Variants in TNKS observed in about 807,000 individuals in gnomAD.
TNKS encodes poly [ADP-ribose] polymerase tankyrase-1.
In TNKS, 72 loss-of-function variants were observed where a neutral mutation model predicts 135.8. That is an observed-to-expected ratio of 0.53 (90% CI 0.44 to 0.64). TNKS has a LOEUF of 0.64. Ranked by LOEUF, TNKS falls within the 30% of genes least tolerant of loss-of-function variation. The pLI is 0.00. For synonymous variants in TNKS, 849 were observed against 649.3 expected, an observed-to-expected ratio of 1.31 and a Z score of -4.68; for missense variants, 1,769 against 1,674.0, an observed-to-expected ratio of 1.06 and a Z score of -0.99.
At chr8:9,689,855 T>A (rs1468674713) in intron 5 of TNKS, among the ~76,000 whole-genome samples, 1 of 152,222 alleles carries the variant, frequency 6.6e-6, no homozygotes, top group Non-Finnish European at 1.5e-5. Context: ...GATTCCCTCC[T>A]ATGTAATTAT....
intron 3 of TNKS, among the ~76,000 whole-genome samples, chr8:9,678,887 C>G (rs896906183): frequency 6.6e-6 from 1 of 152,038 alleles, no homozygotes; most frequent in Admixed American, 6.5e-5. Context: ...TGTTGAGATA[C>G]TTTGTATAAT....
At position 9,779,350 on chromosome 8, in the gene TNKS, A is replaced by G. The variant is rs1808367815; in HGVS notation, c.*2614A>G. ...CTTTTATTTTTTGTATATGTACTATATAGAAATACTAGCAAGTTAGGATCA... is the reference window on the plus strand; with the variant it reads ...CTTTTATTTTTTGTATATGTACTATGTAGAAATACTAGCAAGTTAGGATCA... On this transcript the variant is annotated 3_prime_UTR_variant, in exon 27 of 27. Transcript: ENST00000310430. 6.6e-6 allele frequency: 1 copy of G among 152,542 alleles called. No individual in the cohort carries two copies. The highest frequency in any genetic ancestry group is 2.4e-5 in the African/African-American group (1 of 41,460). 9.4% of individuals were successfully genotyped at this position (152,542 alleles called of 1,614,324 possible).
chr8:9,611,918 T>C (rs902732274), intron 2 of TNKS, among the ~76,000 whole-genome samples: 17 of 152,258 alleles, frequency 1.1e-4, no homozygotes, highest in African/African-American at 4.1e-4. Context: ...CTTTCTGTTA[T>C]TATTTTTTTC....
chr8:9,593,182 C>G (rs910280940), intron 2 of TNKS, among the ~76,000 whole-genome samples: 3 of 152,070 alleles, frequency 2.0e-5, no homozygotes, highest in African/African-American at 7.2e-5. Context: ...ATAGTTGATA[C>G]GTAATATTGT....
intron 11 of TNKS, among the ~76,000 whole-genome samples, chr8:9,713,720 G>A (rs1181195219): frequency 1.3e-5 from 2 of 152,130 alleles, no homozygotes; most frequent in East Asian, 1.9e-4. Flanking sequence ...ATCAAATGCC[G>A]TAGCAACTCC....
Position 9,751,730 on chromosome 8 carries a change from G to C in TNKS, c.2954G>C (p.Cys985Ser). Residue 985 changes from cysteine to serine, a missense_variant, in exon 19 of 27, where the codon TGC (cysteine) becomes TCC (serine). Physicochemically the swap from Cys to Ser is moderately radical, Grantham distance 112. Around this residue, in one of 5 missense-constraint regions of TNKS, gnomAD observed 722 missense variants for 688.9 expected, o/e 1.05. Coordinates refer to ENST00000310430, the MANE Select transcript of TNKS (RefSeq NM_003747.3). ...ATCTCACCAGCATCCACCCCCTCCT[G>C]CCTCTCGGCTGCCAGCAGCATAGAC... is the stretch of plus-strand genomic sequence containing the variant. The part of the protein sequence containing the change: ...SLISPASTPS[C>S]LSAASSIDNL... 6.2e-7 allele frequency: 1 copy of C among 1,614,150 alleles called. No individual in the cohort carries two copies. Among genetic ancestry groups the C allele is most frequent in the Non-Finnish European group, 8.5e-7 (1 of 1,180,020 alleles).
At position 9,710,045 on chromosome 8, in the gene TNKS, GA is replaced by G; in HGVS notation, c.1670del (p.Asp557ValfsTer3). 1 of 1,613,248 alleles carries G rather than the reference GA, an allele frequency of 6.2e-7. No individual in the cohort carries two copies. The highest frequency in any genetic ancestry group is 8.5e-7 in the Non-Finnish European group (1 of 1,179,214). On this transcript the variant is annotated frameshift_variant and splice_region_variant, in exon 10 of 27. Coordinates refer to ENST00000310430, the MANE Select transcript of TNKS (RefSeq NM_003747.3). LOFTEE classifies it high-confidence loss of function. ...AGCAAATGTTAATGAAAAAAATAAA[GA>G]GTAAGTATAATTGCAGAAGGAGTTG... ...KGANVNEKNK[D>X]FMTPLHVAAE...
intron 18 of TNKS, 142 bp from the exon 19 acceptor site, chr8:9,751,467 G>C: frequency 1.5e-6 from 1 of 647,198 alleles, no homozygotes; most frequent in African/African-American, 1.8e-5. Flanking sequence ...CTGTGGATAG[G>C]AGAAGGAATG....
At chr8:9,749,358 T>G (rs1466353693) in intron 18 of TNKS, among the ~76,000 whole-genome samples, 1 of 152,120 alleles carries the variant, frequency 6.6e-6, no homozygotes, top group Non-Finnish European at 1.5e-5. Flanking sequence ...GCCAGACACA[T>G]GTTATCAGGG....
chr8:9,684,056 C>T (rs1454972789), intron 5 of TNKS, among the ~76,000 whole-genome samples: 1 of 151,584 alleles, frequency 6.6e-6, no homozygotes, highest in Non-Finnish European at 1.5e-5. Context: ...ATAATGATGA[C>T]CACTTTTAGA....
chr8:9,709,537 TC>T (rs1199796184), intron 9 of TNKS, among the ~76,000 whole-genome samples: 1 of 152,198 alleles, frequency 6.6e-6, no homozygotes, highest in African/African-American at 2.4e-5. Context: ...TATAAACGTC[TC>T]CTGTAGTGCT....
intron 1 of TNKS, among the ~76,000 whole-genome samples, chr8:9,576,430 G>C (rs1206797854): frequency 6.6e-6 from 1 of 151,208 alleles, no homozygotes; most frequent in Non-Finnish European, 1.5e-5. Context: ...GGGCAGGAGA[G>C]AGACAGCAGA....
chr8:9,588,001 A>T, intron 2 of TNKS, among the ~76,000 whole-genome samples: 1 of 152,352 alleles, frequency 6.6e-6, no homozygotes, highest in South Asian at 2.1e-4. Flanking sequence ...TGGCAAATAT[A>T]CAAGAATGAT....
chr8:9,754,883 C>T (rs1806753981), intron 20 of TNKS, among the ~76,000 whole-genome samples: 2 of 152,128 alleles, frequency 1.3e-5, no homozygotes, highest in African/African-American at 4.8e-5. Flanking sequence ...TTTCTTAGGA[C>T]AATATCCTAA....
intron 3 of TNKS, among the ~76,000 whole-genome samples, chr8:9,628,759 C>G (rs571068358): frequency 7.2e-5 from 11 of 152,284 alleles, no homozygotes; most frequent in South Asian, 6.2e-4. Flanking sequence ...TTCAGAGGTA[C>G]ATATCCTACT....
At chr8:9,569,761 G>C (rs1202217089) in intron 1 of TNKS, among the ~76,000 whole-genome samples, 7 of 152,154 alleles carry the variant, frequency 4.6e-5, no homozygotes, top group Non-Finnish European at 8.8e-5. Context: ...GGCATTCACT[G>C]TTTGGCATTA....
At chr8:9,744,720 T>C (rs1806148314) in intron 17 of TNKS, among the ~76,000 whole-genome samples, 1 of 152,228 alleles carries the variant, frequency 6.6e-6, no homozygotes, top group Admixed American at 6.5e-5. Flanking sequence ...AAATTCCAGT[T>C]ACTATTTTTG....
At chr8:9,647,963 G>A (rs1316115867) in intron 3 of TNKS, among the ~76,000 whole-genome samples, 1 of 152,142 alleles carries the variant, frequency 6.6e-6, no homozygotes, top group Non-Finnish European at 1.5e-5. Context: ...AATACTGTAG[G>A]CAGTTATAAC....
At chr8:9,612,946 A>C (rs948736680) in intron 2 of TNKS, among the ~76,000 whole-genome samples, 1 of 152,228 alleles carries the variant, frequency 6.6e-6, no homozygotes, top group Non-Finnish European at 1.5e-5. Flanking sequence ...TGTATTTACT[A>C]TTCATTAAGT....
Sources: allele counts gnomAD v4.1 joint callset (sites outside exome capture counted in the v4.1 genomes callset), GRCh38; gene constraint gnomAD v4.1.1; regional missense constraint gnomAD v4.1.1; transcripts MANE v1.5; gene names NCBI Gene and HGNC (gene_info 2026-07-23, HGNC 2026-07-21).